Variants in ENPP3 observed in about 807,000 individuals in gnomAD.
ENPP3 encodes ectonucleotide pyrophosphatase/phosphodiesterase 3.
Under a neutral mutation model 117.8 loss-of-function variants are expected in ENPP3, and 104 were observed. That is an observed-to-expected ratio of 0.88 (90% CI 0.75 to 1.04). The LOEUF is 1.04. ENPP3 is among the 50% of genes least tolerant of loss of function. ENPP3 has a pLI of 0.00. For synonymous variants in ENPP3, 380 were observed against 349.9 expected, an observed-to-expected ratio of 1.09 and a Z score of -0.96; for missense variants, 1,026 against 1,051.9, an observed-to-expected ratio of 0.98 and a Z score of 0.34.
At position 131,671,285 on chromosome 6, in the gene ENPP3, G is replaced by A. The variant is rs759248238; in HGVS notation, c.600G>A (p.Met200Ile). The change falls in exon 7 of 25, where the codon ATG (methionine) becomes ATA (isoleucine). Residue 200 changes from methionine to isoleucine, a missense_variant. Met to Ile is a conservative substitution (Grantham distance 10). Coordinates refer to ENST00000357639, the MANE Select transcript of ENPP3 (RefSeq NM_005021.5). ...TTCATTCAAAATACATGAGAGCTATGTATCCTACCAAAACCTTCCCAAATC... is the reference window on the plus strand; with the variant it reads ...TTCATTCAAAATACATGAGAGCTATATATCCTACCAAAACCTTCCCAAATC... ...CGIHSKYMRAMYPTKTFPNHY... is the reference protein window; with the variant it reads ...CGIHSKYMRAIYPTKTFPNHY... 1.2e-5 allele frequency: 20 copies of A among 1,607,718 alleles called. No homozygotes were observed. The highest frequency in any genetic ancestry group is 1.6e-5 in the Non-Finnish European group (19 of 1,174,220).
intron 11 of ENPP3, among the ~76,000 whole-genome samples, chr6:131,678,925 C>CTTTCTTTCTTTCTTTG (rs1778936214): frequency 1.4e-5 from 1 of 69,610 alleles, no homozygotes; most frequent in African/African-American, 1.3e-4. Context: ...TTCTTTCTTT[C>CTTTCTTTCTTTCTTTG]TTTCTTTCTT....
intron 2 of ENPP3, among the ~76,000 whole-genome samples, chr6:131,647,199 A>G (rs554195319): frequency 1.3e-5 from 2 of 152,176 alleles, no homozygotes; most frequent in South Asian, 4.1e-4. Context: ...TAAAGAGAAA[A>G]CTGTATTCTA....
rs780992467 is a variant in ENPP3 at position 131,693,489 on chromosome 6, C to T, written c.1285-8C>T. On this transcript the variant is annotated splice_region_variant and splice_polypyrimidine_tract_variant and intron_variant, in intron 14 of 24. Transcript: ENST00000357639. Reference sequence around the variant, plus strand: ...TGTATCATAAAGAAATATTTACTTGCTTTTCAGTGCCGAAAACCTGATCAG... The same window carrying T: ...TGTATCATAAAGAAATATTTACTTGTTTTTCAGTGCCGAAAACCTGATCAG... The T allele has an allele frequency of 3.1e-6, 5 of 1,606,674 alleles. No homozygotes were observed. Among genetic ancestry groups the T allele is most frequent in the Non-Finnish European group, 4.2e-6 (5 of 1,177,144 alleles).
Position 131,722,321 on chromosome 6 carries a change from G to A in ENPP3, c.1662G>A (p.Glu554=), listed in dbSNP as rs1780052345. The change falls in exon 18 of 25, where the codon GAG becomes GAA. Residue 554 remains glutamate, a synonymous_variant. Transcript: ENST00000357639. Reference sequence around the variant, plus strand: ...CTTTTTATGAGCCATCCCATGCAGAGGAGGTGTCAAAGTTTTCTGTTTGTG... The same window carrying A: ...CTTTTTATGAGCCATCCCATGCAGAAGAGGTGTCAAAGTTTTCTGTTTGTG... ...KVPFYEPSHA[E]EVSKFSVCGF... 2.5e-6 allele frequency: 4 copies of A among 1,614,034 alleles called. No homozygotes were observed. In the East Asian group the frequency reaches 8.9e-5, roughly 36 times the overall value.
At chr6:131,680,013 A>G (rs1335322640) in intron 11 of ENPP3, among the ~76,000 whole-genome samples, 1 of 152,162 alleles carries the variant, frequency 6.6e-6, no homozygotes, top group Non-Finnish European at 1.5e-5. Flanking sequence ...CAGTCTAGAA[A>G]AAGTACAATA....
At chr6:131,652,806 A>G (rs1471341958) in intron 4 of ENPP3, 25 bp from the exon 5 acceptor site, 1 of 1,608,616 alleles carries the variant, frequency 6.2e-7, no homozygotes, top group Non-Finnish European at 8.5e-7. Flanking sequence ...AGCAAGTATC[A>G]AGATTTTGAT....
At chr6:131,643,543 T>G (rs1562423818) in intron 2 of ENPP3, among the ~76,000 whole-genome samples, 1 of 152,124 alleles carries the variant, frequency 6.6e-6, no homozygotes, top group Non-Finnish European at 1.5e-5. Flanking sequence ...ATCCTTAACA[T>G]AGTCATCCTC....
intron 2 of ENPP3, 29 bp from the exon 3 acceptor site, chr6:131,649,998 G>A (rs760173478): frequency 1.9e-6 from 3 of 1,613,256 alleles, no homozygotes; most frequent in Non-Finnish European, 2.5e-6. Context: ...GCTCCTAAAT[G>A]TTCGGGCCCT....
intron 11 of ENPP3, among the ~76,000 whole-genome samples, chr6:131,680,213 G>A (rs1778995213): frequency 6.6e-6 from 1 of 152,166 alleles, no homozygotes; most frequent in Admixed American, 6.5e-5. Context: ...AAACATTGTG[G>A]ATGGAAGAAG....
intron 6 of ENPP3, among the ~76,000 whole-genome samples, chr6:131,664,843 A>G (rs562430675): frequency 7.2e-5 from 11 of 152,286 alleles, no homozygotes; most frequent in African/African-American, 1.9e-4. Flanking sequence ...TAAGTACACC[A>G]TATTATGTTT....
At chr6:131,641,584 C>A in intron 2 of ENPP3, 54 bp downstream of exon 2, 1 of 1,146,926 alleles carries the variant, frequency 8.7e-7, no homozygotes, top group Admixed American at 1.7e-5. Flanking sequence ...TCTCTTCTGG[C>A]CTTAATTCAT....
At chr6:131,639,157 A>G (rs1418760025) in intron 1 of ENPP3, among the ~76,000 whole-genome samples, 1 of 151,970 alleles carries the variant, frequency 6.6e-6, no homozygotes, top group African/African-American at 2.4e-5. Context: ...TATTAAGCCT[A>G]GTAACAAAGT....
intron 6 of ENPP3, among the ~76,000 whole-genome samples, chr6:131,666,592 T>C (rs987123111): frequency 1.3e-5 from 2 of 152,226 alleles, no homozygotes; most frequent in East Asian, 3.8e-4. Flanking sequence ...TTTAAAGGCC[T>C]GAGTTTGCCT....
chr6:131,717,280 TAA>T (rs2114518398), intron 15 of ENPP3, among the ~76,000 whole-genome samples: 1 of 152,180 alleles, frequency 6.6e-6, no homozygotes, highest in Admixed American at 6.5e-5. Flanking sequence ...GTTGATTTTT[TAA>T]AGACACTAAA....
At chr6:131,744,152 C>T (rs1264269413) in intron 24 of ENPP3, among the ~76,000 whole-genome samples, 4 of 152,214 alleles carry the variant, frequency 2.6e-5, no homozygotes, top group African/African-American at 9.6e-5. Context: ...AATTTTATCC[C>T]ACACTTGGTG....
chr6:131,737,388 CT>C lies in ENPP3; in HGVS notation c.2126del (p.Leu709Ter). The C allele has an allele frequency of 1.2e-6, 2 of 1,608,072 alleles. No individual in the cohort carries two copies. The highest frequency in any genetic ancestry group is 3.3e-4 in the Middle Eastern group (2 of 6,006). ...AGAACATCAGATAGCCAATATGATG[CT>C]TTAATTACTAGCAATTTGGTACCTA... is the stretch of plus-strand genomic sequence containing the variant. ...SNRTSDSQYDALITSNLVPMY... is the reference protein window; with the variant it reads ...SNRTSDSQYDXLITSNLVPMY... On this transcript the variant is annotated frameshift_variant, in exon 22 of 25. Coordinates refer to ENST00000357639, the MANE Select transcript of ENPP3 (RefSeq NM_005021.5). LOFTEE classifies it high-confidence loss of function.
intron 2 of ENPP3, among the ~76,000 whole-genome samples, 180 bp downstream of exon 2, chr6:131,641,710 C>CTGG (rs1778044940): frequency 6.6e-6 from 1 of 151,232 alleles, no homozygotes; most frequent in Non-Finnish European, 1.5e-5. Context: ...TGGCATTGCT[C>CTGG]ACTGTACTTT....
At chr6:131,692,131 A>G (rs1437768943) in intron 14 of ENPP3, among the ~76,000 whole-genome samples, 1 of 152,124 alleles carries the variant, frequency 6.6e-6, no homozygotes, top group Non-Finnish European at 1.5e-5. Context: ...TTGTTAATAT[A>G]TATGATATAT....
At chr6:131,647,534 A>G (rs1432727942) in intron 2 of ENPP3, among the ~76,000 whole-genome samples, 1 of 152,178 alleles carries the variant, frequency 6.6e-6, no homozygotes, top group East Asian at 1.9e-4. Context: ...GATTTTAAAC[A>G]TACAAAAGTA....
Sources: allele counts gnomAD v4.1 joint callset (sites outside exome capture counted in the v4.1 genomes callset), GRCh38; gene constraint gnomAD v4.1.1; transcripts MANE v1.5; gene names NCBI Gene and HGNC (gene_info 2026-07-23, HGNC 2026-07-21).